Variants in HACE1 observed in about 807,000 individuals in gnomAD.
The protein encoded by HACE1 is E3 ubiquitin-protein ligase HACE1.
In HACE1, 73 loss-of-function variants were observed where a neutral mutation model predicts 118.4. The observed-to-expected ratio is 0.62, with a 90% CI of 0.51 to 0.75. The LOEUF (loss-of-function observed/expected upper bound fraction) is 0.75, where lower values mean the gene tolerates loss of function less well. HACE1 is among the 30% of genes least tolerant of loss of function. HACE1 has a pLI of 0.00. For missense variants in HACE1, 749 were observed against 1,102.2 expected (o/e 0.68, Z 4.54); for synonymous variants, 368 against 374.8 (o/e 0.98, Z 0.21).
chr6:104,778,682 T>C (rs1222993457), intron 14 of HACE1, among the ~76,000 whole-genome samples: 1 of 151,616 alleles, frequency 6.6e-6, no homozygotes, highest in Non-Finnish European at 1.5e-5. Context: ...GCGCCTACAG[T>C]CCTGGCTGCT....
intron 23 of HACE1, 53 bp from the exon 24 acceptor site, chr6:104,729,817 T>C: frequency 1.2e-6 from 1 of 835,056 alleles, no homozygotes; most frequent in Admixed American, 1.8e-5. Flanking sequence ...AAATTTCTGA[T>C]TGTTTTGCCT....
intron 22 of HACE1, among the ~76,000 whole-genome samples, chr6:104,733,667 G>A (rs1219694024): frequency 1.3e-5 from 2 of 151,638 alleles, no homozygotes; most frequent in East Asian, 3.9e-4. Context: ...TGGCCAACAT[G>A]GTGAAACCCC....
At chr6:104,857,531 G>A (rs1776846126) in intron 1 of HACE1, among the ~76,000 whole-genome samples, 2 of 151,840 alleles carry the variant, frequency 1.3e-5, no homozygotes, top group South Asian at 4.1e-4. Context: ...GTATTTAGAG[G>A]CAGACTATGT....
intron 23 of HACE1, 84 bp from the exon 24 acceptor site, chr6:104,729,848 T>C: frequency 1.4e-6 from 1 of 725,762 alleles, no homozygotes; most frequent in Non-Finnish European, 2.5e-6. Flanking sequence ...ACACTACTCA[T>C]AATTAACATA....
intron 10 of HACE1, among the ~76,000 whole-genome samples, chr6:104,794,973 AAT>A (rs748198025): frequency 1.3e-5 from 2 of 152,146 alleles, no homozygotes; most frequent in Non-Finnish European, 2.9e-5. Flanking sequence ...CAGGCTAAGA[AAT>A]AATAAGACAA....
At chr6:104,841,149 T>A (rs1190079625) in intron 5 of HACE1, among the ~76,000 whole-genome samples, 1 of 150,314 alleles carries the variant, frequency 6.7e-6, no homozygotes, top group African/African-American at 2.4e-5. Context: ...CTGAGAGAAG[T>A]TGTTTAGGGA....
At chr6:104,775,413 G>A (rs78579175) in intron 17 of HACE1, among the ~76,000 whole-genome samples, 26,440 of 151,708 alleles carry the variant, frequency 0.17, 2,483 homozygotes, top group African/African-American at 0.25. Flanking sequence ...AAACTTTATG[G>A]GTCTATGTAC....
intron 14 of HACE1, among the ~76,000 whole-genome samples, chr6:104,782,766 T>C (rs142643874): frequency 5.3e-5 from 8 of 152,344 alleles, no homozygotes; most frequent in African/African-American, 1.9e-4. Context: ...GATCCCTCTA[T>C]ATAGTTATGT....
intron 7 of HACE1, among the ~76,000 whole-genome samples, chr6:104,803,206 T>C (rs1292274272): frequency 6.6e-6 from 1 of 152,136 alleles, no homozygotes; most frequent in Non-Finnish European, 1.5e-5. Flanking sequence ...ATTAATAGCC[T>C]ACCAACCAAA....
intron 19 of HACE1, among the ~76,000 whole-genome samples, chr6:104,763,987 T>C (rs774005554): frequency 2.6e-5 from 4 of 151,828 alleles, no homozygotes; most frequent in Non-Finnish European, 5.9e-5. Context: ...GCAAAGGTTG[T>C]AGTGGGCCGA....
chr6:104,830,725 G>C (rs930424808), intron 6 of HACE1, among the ~76,000 whole-genome samples: 4 of 146,524 alleles, frequency 2.7e-5, no homozygotes, highest in Non-Finnish European at 6.0e-5. Context: ...TTTTGTTGTT[G>C]TTATTATGGT....
Position 104,848,031 on chromosome 6 carries a change from T to C in HACE1, c.326+1111A>G, listed in dbSNP as rs1775828000. Among the ~76,000 whole-genome samples the C allele has an allele frequency of 2.6e-5, 4 of 151,774 alleles. No individual in the cohort carries two copies. In the South Asian group the frequency reaches 8.3e-4, roughly 31 times the overall value. On this transcript the variant is annotated intron_variant, in intron 4 of 23. Coordinates refer to ENST00000262903, the MANE Select transcript of HACE1 (RefSeq NM_020771.4). The stretch of plus-strand genomic sequence containing the variant: ...CATGCCTGGATTATTTTTGTATTTT[T>C]AGTAGAGACAGGGTTTCACCACGTT...
chr6:104,767,913 C>T (rs763521978), intron 19 of HACE1, among the ~76,000 whole-genome samples: 2 of 151,978 alleles, frequency 1.3e-5, no homozygotes, highest in Non-Finnish European at 2.9e-5. Context: ...TTTTTTTTCT[C>T]CAAGCCTGGA....
In HACE1 at chr6:104,739,008, A is replaced by G. The variant is rs1467281605; in HGVS notation, c.2513+5152T>C. On this transcript the variant is annotated intron_variant, in intron 22 of 23. Coordinates refer to ENST00000262903, the MANE Select transcript of HACE1 (RefSeq NM_020771.4). ...TACAAGCCAGAAAAGAGTGGGGGCC[A>G]ATATTCAACATTCTTAAAGAAAAGA... Among the ~76,000 whole-genome samples, 1,185 of 147,102 alleles carry G rather than the reference A, an allele frequency of 8.1e-3. 11 individuals are homozygous for G. Among genetic ancestry groups the G allele is most frequent in the Non-Finnish European group, 0.012 (837 of 67,252 alleles).
intron 17 of HACE1, among the ~76,000 whole-genome samples, chr6:104,775,588 T>C (rs1246649703): frequency 2.0e-5 from 3 of 152,066 alleles, no homozygotes; most frequent in Non-Finnish European, 2.9e-5. Context: ...CTTCAAAGAT[T>C]AGGCCTAAAT....
At chr6:104,812,477 G>A (rs1484221463) in intron 6 of HACE1, among the ~76,000 whole-genome samples, 1 of 151,912 alleles carries the variant, frequency 6.6e-6, no homozygotes, top group Non-Finnish European at 1.5e-5. Flanking sequence ...GAAATTAGAC[G>A]CTTATTACTT....
chr6:104,799,779 T>C (rs932145299), intron 7 of HACE1, among the ~76,000 whole-genome samples: 1 of 152,188 alleles, frequency 6.6e-6, no homozygotes, highest in Non-Finnish European at 1.5e-5. Context: ...TGGCCGAATA[T>C]GAACAGCTCC....
At position 104,823,431 on chromosome 6, in the gene HACE1, C is replaced by CA. The variant is rs767639076; in HGVS notation, c.534+9610dup. ...TGGGCAACACAGCGAGACTCTGTCT[C>CA]AAAAAAAAAAAAAAATTGGAAATTA... is the stretch of plus-strand genomic sequence containing the variant. On this transcript the variant is annotated intron_variant, in intron 6 of 23. Transcript: ENST00000262903. 6.4e-3 allele frequency among the ~76,000 whole-genome samples: 712 copies of CA among 110,394 alleles called. 2 individuals carry two copies. The highest frequency in any genetic ancestry group is 9.9e-3 in the African/African-American group (296 of 29,872). The allele number at this position is 110,394 out of a possible 152,430, so 72.4% of individuals were successfully genotyped here. A position where few individuals can be genotyped will look rare whatever the true frequency, so the allele number is the denominator to read the frequency against.
intron 7 of HACE1, among the ~76,000 whole-genome samples, chr6:104,809,392 A>T (rs1184772792): frequency 6.6e-6 from 1 of 152,158 alleles, no homozygotes; most frequent in East Asian, 1.9e-4. Flanking sequence ...CAGTAACATG[A>T]ATAAGAAATA....
Sources: allele counts gnomAD v4.1 joint callset (sites outside exome capture counted in the v4.1 genomes callset), GRCh38; gene constraint gnomAD v4.1.1; transcripts MANE v1.5; gene names NCBI Gene and HGNC (gene_info 2026-07-23, HGNC 2026-07-21).